The following DNAH1 variants were observed in gnomAD, a reference collection of about 807,000 sequenced individuals.
DNAH1 encodes axonemal beta dynein heavy chain 1.
Under a neutral mutation model 484.3 loss-of-function variants are expected in DNAH1, and 327 were observed. The observed-to-expected ratio is 0.68, with a 90% CI of 0.62 to 0.74. The LOEUF is 0.74. Among genes scored for constraint, DNAH1 ranks in the 30% least tolerant of loss-of-function variants. The pLI, the probability that DNAH1 is intolerant of heterozygous loss-of-function variation, is 0.00. For synonymous variants in DNAH1, 2,192 were observed against 2,191.9 expected (o/e 1.00, Z 0.00); for missense variants, 5,052 against 5,546.8 (o/e 0.91, Z 2.83).
chr3:52,351,803 A>G (rs1702393068), intron 16 of DNAH1, among the ~76,000 whole-genome samples, 159 bp from the exon 17 acceptor site: 1 of 152,160 alleles, frequency 6.6e-6, no homozygotes, highest in Admixed American at 6.5e-5. Flanking sequence ...TGTACTTCGC[A>G]GCTGTCTGGC....
At chr3:52,341,590 G>A (rs1372132808) in intron 8 of DNAH1, among the ~76,000 whole-genome samples, 1 of 146,286 alleles carries the variant, frequency 6.8e-6, no homozygotes, top group East Asian at 2.0e-4. Flanking sequence ...AGGCTAGAGT[G>A]CAGTGGAGCA....
intron 16 of DNAH1, among the ~76,000 whole-genome samples, chr3:52,350,854 CTTG>C (rs1452639029): frequency 1.3e-5 from 2 of 152,190 alleles, no homozygotes; most frequent in African/African-American, 2.4e-5. Flanking sequence ...ACATGTTTTG[CTTG>C]TTGTTTTTTG....
In DNAH1 at chr3:52,395,676, A is replaced by G. The variant is rs1428068463; in HGVS notation, c.11257A>G (p.Lys3753Glu). 3 of 1,613,042 alleles carry G rather than the reference A, an allele frequency of 1.9e-6. No individual in the cohort carries two copies. The highest frequency in any genetic ancestry group is 2.5e-6 in the Non-Finnish European group (3 of 1,179,592). ...ERLIEHINPD[K>E]VHRDFRLWLT... is the part of the protein sequence containing the mutation. ...CCTCATCGAGCACATCAACCCCGAC[A>G]AGGTGTGTTGCCCTGCCCATCACAG... The change falls in exon 70 of 78, where the codon AAG (lysine) becomes GAG (glutamate). Residue 3753 changes from lysine (K) to glutamate (E), a missense_variant and splice_region_variant. Transcript: ENST00000420323. The surrounding 1 kb of genome is among the most constrained non-coding windows in gnomAD (Gnocchi z 4.4).
At position 52,353,886 on chromosome 3, in the gene DNAH1, A is replaced by G. The variant is rs1226218065; in HGVS notation, c.3480+253A>G. 5 of 518,350 alleles carry G rather than the reference A, an allele frequency of 9.6e-6. No homozygotes were observed. The highest frequency in any genetic ancestry group is 1.7e-5 in the Non-Finnish European group (5 of 290,680). The allele number at this position is 518,350 out of a possible 1,614,324, so 32.1% of individuals were successfully genotyped here. ...GCCCCAGGAAGGAGCTAATAGCATT[A>G]GCCTCAATTTAACAGATGTGTCAGG... On this transcript the variant is annotated intron_variant, in intron 20 of 77. Coordinates refer to ENST00000420323, the MANE Select transcript of DNAH1 (RefSeq NM_015512.5). This position sits in a 1 kb window ranked among gnomAD's most constrained non-coding sequence, Gnocchi z 5.0.
chr3:52,352,443 C>G, intron 17 of DNAH1, 109 bp from the exon 18 acceptor site: 1 of 1,422,672 alleles, frequency 7.0e-7, no homozygotes, highest in Non-Finnish European at 9.4e-7. Context: ...CTCCTTAGAA[C>G]TCGGAGGAGT....
intron 66 of DNAH1, among the ~76,000 whole-genome samples, chr3:52,393,826 A>G (rs901618667): frequency 6.6e-6 from 1 of 152,174 alleles, no homozygotes; most frequent in African/African-American, 2.4e-5. Context: ...TTGAACCCAG[A>G]AGGTGGAGGT....
intron 37 of DNAH1, 95 bp downstream of exon 37, chr3:52,369,013 C>G: frequency 2.9e-6 from 4 of 1,394,124 alleles, no homozygotes; most frequent in Non-Finnish European, 4.0e-6. Context: ...TCACCCCTTT[C>G]TCTCAGGGCC....
At chr3:52,314,728 A>C (rs1700893674), upstream of DNAH1, among the ~76,000 whole-genome samples, 1 of 152,094 alleles carries the variant, frequency 6.6e-6, no homozygotes, top group Non-Finnish European at 1.5e-5. Context: ...GGCCCTGAGG[A>C]GAGTGTGTGT....
chr3:52,314,959 G>T (rs1460770231), upstream of DNAH1, among the ~76,000 whole-genome samples: 2 of 152,216 alleles, frequency 1.3e-5, no homozygotes, highest in African/African-American at 4.8e-5. Context: ...TCTACTCCTT[G>T]CTTGAGCTCT....
chr3:52,340,762 G>T (rs1701908426), intron 8 of DNAH1, among the ~76,000 whole-genome samples: 1 of 152,128 alleles, frequency 6.6e-6, no homozygotes, highest in Non-Finnish European at 1.5e-5. Context: ...TCTATCTTAG[G>T]GTTACCACTA....
chr3:52,321,179 C>G (rs189009049), intron 1 of DNAH1, among the ~76,000 whole-genome samples: 83 of 144,410 alleles, frequency 5.7e-4, no homozygotes, highest in African/African-American at 2.0e-3. Flanking sequence ...TGCAATGGCG[C>G]GATCTGAGTT....
chr3:52,390,322 A>G (rs918543404), intron 60 of DNAH1, among the ~76,000 whole-genome samples: 1 of 151,120 alleles, frequency 6.6e-6, no homozygotes. Context: ...AAAATTAACC[A>G]GGCATGGTCG....
At chr3:52,349,966 C>G in intron 14 of DNAH1, 23 bp from the exon 15 acceptor site, 2 of 1,590,852 alleles carry the variant, frequency 1.3e-6, no homozygotes, top group South Asian at 1.2e-5. Flanking sequence ...GCTGCCCTCC[C>G]CAGCGCCTCC....
chr3:52,348,049 T>C (rs1702219802), intron 12 of DNAH1, 75 bp downstream of exon 12: 2 of 1,464,428 alleles, frequency 1.4e-6, no homozygotes. Context: ...CTCAGGGTGC[T>C]GCCACAGTTC....
rs1703581677 is a variant in DNAH1, at chr3:52,376,002, G to A, written c.7198+9G>A. 1 of 1,611,070 alleles carries A rather than the reference G, an allele frequency of 6.2e-7. No homozygotes were observed. The highest frequency in any genetic ancestry group is 1.3e-5 in the African/African-American group (1 of 74,726). The stretch of plus-strand genomic sequence containing the variant: ...CTACCGGGAGCGTGTGCGTAAGTGT[G>A]GGCCTGGGCGGGAATGGGGCACTGG... On this transcript the variant is annotated intron_variant, in intron 46 of 77. Transcript: ENST00000420323.
intron 44 of DNAH1, chr3:52,373,964 C>A: frequency 8.3e-7 from 1 of 1,203,158 alleles, no homozygotes; most frequent in Non-Finnish European, 1.2e-6. Flanking sequence ...TTCATCTACA[C>A]TTATTTATGA....
rs1429087534 is a variant in DNAH1, at chr3:52,340,169, A to G, written c.1287-4321A>G. ...ATAATCACAGCTAACTGCAGCCTCAAACTCTTGGGCTCAAGTAATCCTCCT... is the reference window on the plus strand; with the variant it reads ...ATAATCACAGCTAACTGCAGCCTCAGACTCTTGGGCTCAAGTAATCCTCCT... On this transcript the variant is annotated intron_variant, in intron 8 of 77. Transcript: ENST00000420323. Among the ~76,000 whole-genome samples the G allele has an allele frequency of 5.9e-5, 9 of 152,030 alleles. 1 individual carries two copies. Among genetic ancestry groups the G allele is most frequent in the Admixed American group, 5.9e-4 (9 of 15,266 alleles).
Position 52,381,551 on chromosome 3 carries a change from A to G in DNAH1, c.7609-89A>G, listed in dbSNP as rs552816646. 161 of 1,305,068 alleles carry G rather than the reference A, an allele frequency of 1.2e-4. 3 individuals are homozygous for G. In the South Asian group the frequency reaches 2.2e-3, roughly 18 times the overall value. The allele number at this position is 1,305,068 out of a possible 1,614,324, so 80.8% of individuals were successfully genotyped here. A position where few individuals can be genotyped will look rare whatever the true frequency, so the allele number is the denominator to read the frequency against. ...AAGGCACCTGTGCTTCTCAGTCAGG[A>G]CAGAGAAGAAAGCGGGTGGGTGGGG... On this transcript the variant is annotated intron_variant, in intron 48 of 77. Transcript: ENST00000420323. The surrounding 1 kb of genome is among the most constrained non-coding windows in gnomAD (Gnocchi z 4.1).
In DNAH1 at chr3:52,369,901, A is replaced by T; in HGVS notation, c.6020A>T (p.Tyr2007Phe). 1 of 1,613,940 alleles carries T rather than the reference A, an allele frequency of 6.2e-7. No individual in the cohort carries two copies. The highest frequency in any genetic ancestry group is 8.5e-7 in the Non-Finnish European group (1 of 1,179,864). ...PATVSRCGMV[Y>F]LEPSILGLMP... is the part of the protein sequence containing the mutation. Reference sequence around the variant, plus strand: ...ACAGTCTCCCGCTGTGGCATGGTGTACCTGGAGCCCAGCATCCTGGGGCTC... The same window carrying T: ...ACAGTCTCCCGCTGTGGCATGGTGTTCCTGGAGCCCAGCATCCTGGGGCTC... The change falls in exon 38 of 78, where the codon TAC becomes TTC. Residue 2007 changes from tyrosine to phenylalanine, a missense_variant. Coordinates refer to ENST00000420323, the MANE Select transcript of DNAH1 (RefSeq NM_015512.5).
Sources: allele counts gnomAD v4.1 joint callset (sites outside exome capture counted in the v4.1 genomes callset), GRCh38; gene constraint gnomAD v4.1.1; non-coding constraint Gnocchi (gnomAD v3.1); transcripts MANE v1.5; gene names NCBI Gene and HGNC (gene_info 2026-07-23, HGNC 2026-07-21).